The following SPATS2L variants were observed in gnomAD, a reference collection of about 807,000 sequenced individuals.
SPATS2L encodes the protein spermatogenesis associated serine rich 2 like.
A neutral mutation model predicts 59.6 loss-of-function variants in SPATS2L; 30 were observed. The observed-to-expected ratio is 0.50, with a 90% confidence interval of 0.38 to 0.68. The LOEUF (loss-of-function observed/expected upper bound fraction) is 0.68. SPATS2L is among the 30% of genes least tolerant of loss of function. The pLI is 0.00. For missense variants in SPATS2L, 615 were observed against 700.0 expected, an observed-to-expected ratio of 0.88 and a Z score of 1.37; for synonymous variants, 252 against 263.5, an observed-to-expected ratio of 0.96 and a Z score of 0.42.
In SPATS2L at chr2:200,479,735, C is replaced by T. The variant is rs2087733608; in HGVS notation, c.*1704C>T. On this transcript the variant is annotated 3_prime_UTR_variant, in exon 13 of 13. Transcript: ENST00000409140. ...AACTCAACATTAACATTTTTTCTGGCAACCCAGGTTCACTGGTTCTCTTCC... is the reference window on the plus strand; with the variant it reads ...AACTCAACATTAACATTTTTTCTGGTAACCCAGGTTCACTGGTTCTCTTCC... The T allele has an allele frequency of 5.0e-6, 2 of 398,530 alleles. No individual in the cohort carries two copies. Among genetic ancestry groups the T allele is most frequent in the South Asian group, 1.3e-4 (1 of 7,856 alleles). The allele number at this position is 398,530 out of a possible 1,614,324, so 24.7% of individuals were successfully genotyped here.
At chr2:200,458,711 G>T (rs1208364992) in intron 8 of SPATS2L, among the ~76,000 whole-genome samples, 1 of 149,882 alleles carries the variant, frequency 6.7e-6, no homozygotes, top group African/African-American at 2.4e-5. Flanking sequence ...GGCTTGTTTA[G>T]ATCCTGGTTT....
At chr2:200,464,658 T>C (rs1437066819) in intron 9 of SPATS2L, among the ~76,000 whole-genome samples, 2 of 152,098 alleles carry the variant, frequency 1.3e-5, no homozygotes, top group East Asian at 3.9e-4. Context: ...TTATTATCAG[T>C]TTGATGAGAC....
intron 1 of SPATS2L, among the ~76,000 whole-genome samples, chr2:200,315,872 AAAAAG>A (rs1417459297): frequency 2.0e-5 from 3 of 150,570 alleles, no homozygotes; most frequent in Non-Finnish European, 4.4e-5. Flanking sequence ...AAAAAAAAAA[AAAAAG>A]AGCCTGGCAT....
At chr2:200,412,007 G>A (rs907528811) in intron 3 of SPATS2L, among the ~76,000 whole-genome samples, 1 of 152,164 alleles carries the variant, frequency 6.6e-6, no homozygotes, top group African/African-American at 2.4e-5. Context: ...CATCTTGTAT[G>A]CATCTGTAGT....
At chr2:200,395,234 A>G (rs910285990) in intron 3 of SPATS2L, among the ~76,000 whole-genome samples, 16 of 152,262 alleles carry the variant, frequency 1.1e-4, no homozygotes, top group Non-Finnish European at 2.1e-4. Flanking sequence ...TATAGACAAA[A>G]TAGAAATTTT....
intron 6 of SPATS2L, among the ~76,000 whole-genome samples, chr2:200,428,266 C>T (rs1174857114): frequency 1.3e-5 from 2 of 152,202 alleles, no homozygotes; most frequent in Non-Finnish European, 2.9e-5. Flanking sequence ...TTAGCAATGG[C>T]CTCCATATTA....
At chr2:200,476,446 C>T (rs768449218) in intron 12 of SPATS2L, among the ~76,000 whole-genome samples, 18 of 152,212 alleles carry the variant, frequency 1.2e-4, no homozygotes, top group Admixed American at 5.9e-4. Context: ...TCTTCACTTA[C>T]GTAATTAGAA....
intron 2 of SPATS2L, among the ~76,000 whole-genome samples, chr2:200,350,062 C>T (rs2080666230): frequency 6.6e-6 from 1 of 152,186 alleles, no homozygotes; most frequent in South Asian, 2.1e-4. Flanking sequence ...TCCATAATGC[C>T]TGGGGTCTCA....
At chr2:200,458,548 G>A (rs969387587) in intron 8 of SPATS2L, among the ~76,000 whole-genome samples, 5 of 152,192 alleles carry the variant, frequency 3.3e-5, no homozygotes, top group African/African-American at 2.4e-5. Flanking sequence ...CCATGGAGAT[G>A]TAATCAGCAA....
At chr2:200,384,014 A>G in intron 2 of SPATS2L, 1 of 1,001,692 alleles carries the variant, frequency 1.0e-6, no homozygotes, top group African/African-American at 1.7e-5. Flanking sequence ...AAGCGATTTG[A>G]TAGGTCAGTA....
chr2:200,306,836 C>G lies in SPATS2L; in HGVS notation c.-159C>G, dbSNP rs921727994. 2.3e-5 allele frequency: 23 copies of G among 980,648 alleles called. No homozygotes were observed. Among genetic ancestry groups the G allele is most frequent in the African/African-American group, 2.3e-4 (13 of 56,742 alleles). The allele number at this position is 980,648 out of a possible 1,614,324, so 60.7% of individuals were successfully genotyped here. Reference sequence around the variant, plus strand: ...GGCCCGCCCTCCGAGCCGCAGGGGCCGCCACCGCCGCGGCGCCTCCCCTGG... The same window carrying G: ...GGCCCGCCCTCCGAGCCGCAGGGGCGGCCACCGCCGCGGCGCCTCCCCTGG... On this transcript the variant is annotated 5_prime_UTR_variant, in exon 1 of 13. Coordinates refer to ENST00000409140, the MANE Select transcript of SPATS2L (RefSeq NM_001100423.2).
chr2:200,467,672 A>T (rs2086691458), intron 10 of SPATS2L, among the ~76,000 whole-genome samples: 1 of 152,254 alleles, frequency 6.6e-6, no homozygotes, highest in Admixed American at 6.5e-5. Flanking sequence ...TAACTTGGCC[A>T]GGCCATGAAT....
chr2:200,314,399 T>C (rs1274810133), intron 1 of SPATS2L, among the ~76,000 whole-genome samples: 1 of 152,212 alleles, frequency 6.6e-6, no homozygotes, highest in East Asian at 1.9e-4. Context: ...CTCTTGAGGA[T>C]TATTGCAGTA....
chr2:200,385,499 G>T (rs538758467), intron 2 of SPATS2L, among the ~76,000 whole-genome samples: 4 of 152,276 alleles, frequency 2.6e-5, no homozygotes, highest in African/African-American at 9.6e-5. Context: ...CTCAGGAAAG[G>T]TAATGAGTAC....
At chr2:200,453,175 G>A (rs1459240902) in intron 8 of SPATS2L, among the ~76,000 whole-genome samples, 3 of 152,234 alleles carry the variant, frequency 2.0e-5, no homozygotes, top group African/African-American at 7.2e-5. Flanking sequence ...GACACTGGGT[G>A]AGAGATGACA....
chr2:200,380,328 A>G (rs1413511753), intron 2 of SPATS2L, among the ~76,000 whole-genome samples: 1 of 152,210 alleles, frequency 6.6e-6, no homozygotes, highest in African/African-American at 2.4e-5. Context: ...GGACTGCCAT[A>G]AAGTGTGTTT....
chr2:200,425,289 C>T (rs1574478426), intron 6 of SPATS2L, among the ~76,000 whole-genome samples: 1 of 152,142 alleles, frequency 6.6e-6, no homozygotes, highest in Admixed American at 6.6e-5. Flanking sequence ...ACCTCCCCTG[C>T]TTCTCTAAGC....
chr2:200,410,312 C>T (rs1279196990), intron 3 of SPATS2L, among the ~76,000 whole-genome samples: 3 of 152,056 alleles, frequency 2.0e-5, no homozygotes, highest in Admixed American at 1.3e-4. Flanking sequence ...TTGTTGAACA[C>T]ATTCTGTTAA....
chr2:200,327,859 G>GGC (rs1024167308), intron 1 of SPATS2L, among the ~76,000 whole-genome samples: 24 of 109,636 alleles, frequency 2.2e-4, no homozygotes, highest in African/African-American at 6.1e-4. Flanking sequence ...GGCGTGTGCG[G>GGC]GCACACACAC....
Sources: allele counts gnomAD v4.1 joint callset (sites outside exome capture counted in the v4.1 genomes callset), GRCh38; gene constraint gnomAD v4.1.1; transcripts MANE v1.5; gene names NCBI Gene and HGNC (gene_info 2026-07-23, HGNC 2026-07-21).